Variants in PCDHGB1 observed in about 807,000 individuals in gnomAD.
PCDHGB1 encodes protocadherin gamma-B1.
In PCDHGB1, 34 loss-of-function variants were observed where a neutral mutation model predicts 56.6. The ratio of observed to expected loss-of-function variants is 0.60; its 90% CI spans 0.46 to 0.80. The LOEUF (loss-of-function observed/expected upper bound fraction) is 0.80, where lower values mean the gene tolerates loss of function less well. PCDHGB1 is among the 30% of genes least tolerant of loss of function. The pLI, the probability that PCDHGB1 is intolerant of heterozygous loss-of-function variation, is 0.00. For synonymous variants in PCDHGB1, 561 were observed against 505.9 expected (o/e 1.11, Z -1.46); for missense variants, 1,278 against 1,204.6 (o/e 1.06, Z -0.90).
chr5:141,393,858 A>C lies in PCDHGB1; in HGVS notation c.2409+41189A>C, dbSNP rs777304987. 5 of 1,613,912 alleles carry C rather than the reference A, an allele frequency of 3.1e-6. No homozygotes were observed. The South Asian group carries it at 3.3e-5, about 11-fold the overall frequency. Reference sequence around the variant, plus strand: ...AAATGACAATAGACCAGAAGTGATCATTACGTCTTTGTTTAGCCCAGTGTT... The same window carrying C: ...AAATGACAATAGACCAGAAGTGATCCTTACGTCTTTGTTTAGCCCAGTGTT... On this transcript the variant is annotated intron_variant, in intron 1 of 3. Coordinates refer to ENST00000523390, the MANE Select transcript of PCDHGB1 (RefSeq NM_018922.3).
chr5:141,364,166 C>A, intron 1 of PCDHGB1: 2 of 715,060 alleles, frequency 2.8e-6, no homozygotes, highest in Non-Finnish European at 4.1e-6. Context: ...AGAGGCGACC[C>A]GACTCTGCTC....
chr5:141,391,230 G>C (rs2092321546), intron 1 of PCDHGB1: 1 of 152,026 alleles, frequency 6.6e-6, no homozygotes, highest in Non-Finnish European at 1.5e-5. Flanking sequence ...TGAGCCTTTT[G>C]CTAGGTATAT....
intron 1 of PCDHGB1, among the ~76,000 whole-genome samples, chr5:141,401,714 A>T (rs964631036): frequency 2.0e-5 from 3 of 152,226 alleles, no homozygotes; most frequent in Non-Finnish European, 4.4e-5. Flanking sequence ...CATTTTTAAG[A>T]CAAAAACTAC....
rs759358608 is a variant in PCDHGB1, at chr5:141,350,585, A to C, written c.325A>C (p.Asn109His). 1.9e-6 allele frequency: 3 copies of C among 1,614,056 alleles called. No individual in the cohort carries two copies. Among genetic ancestry groups the C allele is most frequent in the Non-Finnish European group, 2.5e-6 (3 of 1,179,898 alleles). Residue 109 changes from asparagine to histidine, a missense_variant, in exon 1 of 4, where the codon AAC (asparagine) becomes CAC (histidine). By Grantham distance (68) the Asn-to-His change is moderately conservative (BLOSUM62 1). Transcript: ENST00000523390. ...CALEFETVAE[N>H]PMNVFHVVVV... ...ACTAGAATTCGAAACGGTCGCTGAAAACCCAATGAATGTTTTCCACGTGGT... is the reference window on the plus strand; with the variant it reads ...ACTAGAATTCGAAACGGTCGCTGAACACCCAATGAATGTTTTCCACGTGGT...
At position 141,432,032 on chromosome 5, in the gene PCDHGB1, A is replaced by G; in HGVS notation, c.2410-62775A>G. On this transcript the variant is annotated intron_variant, in intron 1 of 3. Coordinates refer to ENST00000523390, the MANE Select transcript of PCDHGB1 (RefSeq NM_018922.3). The surrounding 1 kb of genome is among the most constrained non-coding windows in gnomAD (Gnocchi z 6.0). ...TAGCTACAACATCACAGTGACCGCC[A>G]CTGACCGGGGAACCCCGCCCCTATC... 2 of 1,614,242 alleles carry G rather than the reference A, an allele frequency of 1.2e-6. No homozygotes were observed. Among genetic ancestry groups the G allele is most frequent in the South Asian group, 1.1e-5 (1 of 91,086 alleles).
At chr5:141,366,494 T>C (rs1764591738) in intron 1 of PCDHGB1, 2 of 1,614,234 alleles carry the variant, frequency 1.2e-6, no homozygotes. Context: ...CTGGCACAAG[T>C]CACGCCTGCT....
intron 1 of PCDHGB1, among the ~76,000 whole-genome samples, chr5:141,475,442 T>A (rs1007534176): frequency 1.3e-5 from 2 of 152,238 alleles, no homozygotes; most frequent in African/African-American, 4.8e-5. Context: ...TAGCTCCAGA[T>A]AATGAGGAAG....
Position 141,490,795 on chromosome 5 carries a change from C to G in PCDHGB1, c.2410-4012C>G. The G allele has an allele frequency of 6.2e-7, 1 of 1,614,036 alleles. No homozygotes were observed. The highest frequency in any genetic ancestry group is 1.1e-5 in the South Asian group (1 of 91,084). Reference sequence around the variant, plus strand: ...CCCAGAGGATGGACGGATCTTTGCCCAGCGTACCTTTGACTATGAATTGCT... The same window carrying G: ...CCCAGAGGATGGACGGATCTTTGCCGAGCGTACCTTTGACTATGAATTGCT... On this transcript the variant is annotated intron_variant, in intron 1 of 3. Transcript: ENST00000523390. This position sits in a 1 kb window ranked among gnomAD's most constrained non-coding sequence, Gnocchi z 5.4.
At chr5:141,415,176 C>G (rs773987499) in intron 1 of PCDHGB1, 17 of 1,613,816 alleles carry the variant, frequency 1.1e-5, no homozygotes, top group Non-Finnish European at 5.1e-6. Flanking sequence ...TCACCGTGGC[C>G]GTGGCCGACA....
At chr5:141,472,980 CAAAAAAA>C (rs60579131) in intron 1 of PCDHGB1, among the ~76,000 whole-genome samples, 1 of 86,108 alleles carries the variant, frequency 1.2e-5, no homozygotes, top group East Asian at 4.1e-4. Context: ...GAGTGAAACT[CAAAAAAA>C]AAAAAAAAAA....
At position 141,409,955 on chromosome 5, in the gene PCDHGB1, G is replaced by A. The variant is rs946959934; in HGVS notation, c.2409+57286G>A. On this transcript the variant is annotated intron_variant, in intron 1 of 3. Coordinates refer to ENST00000523390, the MANE Select transcript of PCDHGB1 (RefSeq NM_018922.3). ...TATGGTACCTCGCTCTGCAGAGCCC[G>A]GCTACCTAGTGACTAAGGTGGTAGC... is the stretch of plus-strand genomic sequence containing the variant. The A allele has an allele frequency of 2.8e-5, 45 of 1,613,234 alleles. No individual in the cohort carries two copies. The highest frequency in any genetic ancestry group is 3.6e-5 in the Non-Finnish European group (42 of 1,179,814).
At chr5:141,452,046 T>C (rs767493861) in intron 1 of PCDHGB1, among the ~76,000 whole-genome samples, 1 of 152,242 alleles carries the variant, frequency 6.6e-6, no homozygotes, top group Non-Finnish European at 1.5e-5. Context: ...TAACTCCATT[T>C]GTAATAACTT....
chr5:141,383,504 G>A lies in PCDHGB1; in HGVS notation c.2409+30835G>A, dbSNP rs373658496. On this transcript the variant is annotated intron_variant, in intron 1 of 3. Coordinates refer to ENST00000523390, the MANE Select transcript of PCDHGB1 (RefSeq NM_018922.3). Reference sequence around the variant, plus strand: ...CTGGTGCTGGAGCGGGTGCTGGACCGGGAGGAAGAGCGGGTTCACCACCTG... The same window carrying A: ...CTGGTGCTGGAGCGGGTGCTGGACCAGGAGGAAGAGCGGGTTCACCACCTG... 1.3e-5 allele frequency: 21 copies of A among 1,612,648 alleles called. No homozygotes were observed. In the Admixed American group the frequency reaches 2.8e-4, roughly 22 times the overall value.
chr5:141,459,581 G>A (rs945690319), intron 1 of PCDHGB1, among the ~76,000 whole-genome samples: 1 of 152,138 alleles, frequency 6.6e-6, no homozygotes, highest in Non-Finnish European at 1.5e-5. Flanking sequence ...AATTGTTTTG[G>A]GGGTCATATG....
intron 1 of PCDHGB1, among the ~76,000 whole-genome samples, chr5:141,353,692 T>C (rs1759355773): frequency 6.6e-6 from 1 of 152,252 alleles, no homozygotes. Context: ...TAAAGCGTTT[T>C]CCATACTTCT....
intron 1 of PCDHGB1, chr5:141,388,696 AGG>A (rs1404425662): frequency 1.2e-6 from 2 of 1,613,882 alleles, no homozygotes; most frequent in Non-Finnish European, 1.7e-6. Flanking sequence ...GACCAGGATG[AGG>A]GTGTCAATGC....
chr5:141,479,838 C>T (rs539142918), intron 1 of PCDHGB1, among the ~76,000 whole-genome samples: 1 of 152,298 alleles, frequency 6.6e-6, no homozygotes, highest in African/African-American at 2.4e-5. Context: ...GGTATCCATG[C>T]AAGGTGACTG....
chr5:141,388,631 G>T, intron 1 of PCDHGB1: 2 of 1,613,960 alleles, frequency 1.2e-6, no homozygotes, highest in Non-Finnish European at 1.7e-6. Context: ...TATACAGGGT[G>T]AGCCTTTCAG....
At position 141,414,686 on chromosome 5, in the gene PCDHGB1, C is replaced by A. The variant is rs201724090; in HGVS notation, c.2409+62017C>A. On this transcript the variant is annotated intron_variant, in intron 1 of 3. Coordinates refer to ENST00000523390, the MANE Select transcript of PCDHGB1 (RefSeq NM_018922.3). ...GCTGAAGACACCATCCAGGGGGTAC[C>A]TCTGTCCTCATACATATCCATCAAC... 57 of 1,613,924 alleles carry A rather than the reference C, an allele frequency of 3.5e-5. No homozygotes were observed. The highest frequency in any genetic ancestry group is 1.6e-4 in the Middle Eastern group (1 of 6,084).
Sources: gnomAD v4.1 joint callset for allele counts (sites outside exome capture counted in the v4.1 genomes callset) on GRCh38, gnomAD v4.1.1 for gene constraint, Gnocchi (gnomAD v3.1) non-coding constraint, MANE v1.5 for transcripts, NCBI Gene and HGNC (gene_info 2026-07-23, HGNC 2026-07-21) for gene names.